Variants in NXPE4 observed in about 807,000 individuals in gnomAD.
NXPE4 encodes the protein neurexophilin and PC-esterase domain family member 4, also known as NXPE family member 4.
NXPE4 carries 42 observed loss-of-function variants against 33.3 expected under a neutral mutation model. The ratio of observed to expected loss-of-function variants is 1.26; its 90% CI spans 0.98 to 1.63. NXPE4 has a LOEUF of 1.63. NXPE4 is among the 40% of genes most tolerant of loss of function. The pLI is 0.00. For missense variants in NXPE4, 709 were observed against 647.6 expected (o/e 1.09, Z -1.03); for synonymous variants, 253 against 234.9 (o/e 1.08, Z -0.71).
chr11:114,667,133 T>C, the NXPE4 span, among the ~76,000 whole-genome samples: 1 of 152,154 alleles, frequency 6.6e-6, no homozygotes, highest in Non-Finnish European at 1.5e-5. Context: ...GTTATCTGTA[T>C]ACATGAAGAT....
the NXPE4 span, among the ~76,000 whole-genome samples, chr11:114,645,327 A>T: frequency 6.6e-6 from 1 of 152,018 alleles, no homozygotes; most frequent in Non-Finnish European, 1.5e-5. Context: ...AAATAAAAAA[A>T]CCCAGTCCCC....
the NXPE4 span, among the ~76,000 whole-genome samples, chr11:114,610,545 G>A: frequency 2.8e-5 from 4 of 143,794 alleles, no homozygotes; most frequent in African/African-American, 5.8e-5. Flanking sequence ...GATAATAAGT[G>A]TTGCCTCGTG....
Position 114,582,592 on chromosome 11 carries a change from A to T in NXPE4, c.526T>A (p.Ser176Thr). 1 of 1,614,172 alleles carries T rather than the reference A, an allele frequency of 6.2e-7. No homozygotes were observed. The highest frequency in any genetic ancestry group is 1.1e-5 in the South Asian group (1 of 91,074). ...GGGTGGATGAGCAGCAGAGACAGAGAGACCTGGCCCTCCCAGAACAGAGTG... is the reference window on the plus strand; with the variant it reads ...GGGTGGATGAGCAGCAGAGACAGAGTGACCTGGCCCTCCCAGAACAGAGTG... ...SFTLFWEGQV[S>T]LSLLLIHPSE... Residue 176 changes from serine to threonine, a missense_variant, in exon 3 of 6, where the codon TCT becomes ACT. Transcript: ENST00000375478.
At chr11:114,640,142 A>C in the NXPE4 span, among the ~76,000 whole-genome samples, 1 of 107,564 alleles carries the variant, frequency 9.3e-6, no homozygotes, top group Non-Finnish European at 1.7e-5. Flanking sequence ...ATTATATATA[A>C]TATATGATAT....
chr11:114,654,765 G>A, the NXPE4 span, among the ~76,000 whole-genome samples: 1 of 152,090 alleles, frequency 6.6e-6, no homozygotes, highest in Non-Finnish European at 1.5e-5. Context: ...ATTGTAAATA[G>A]TGCTGCAATA....
chr11:114,611,886 C>T, the NXPE4 span, among the ~76,000 whole-genome samples: 14 of 152,006 alleles, frequency 9.2e-5, no homozygotes, highest in East Asian at 2.5e-3. Context: ...AATATTGCCT[C>T]ATGGGTAAAC....
the NXPE4 span, among the ~76,000 whole-genome samples, chr11:114,612,891 C>T: frequency 4.0e-5 from 6 of 151,658 alleles, no homozygotes; most frequent in South Asian, 4.2e-4. Context: ...TGTTGCCTCA[C>T]GGGTAAGCAC....
the NXPE4 span, among the ~76,000 whole-genome samples, chr11:114,659,344 C>T: frequency 3.3e-5 from 5 of 151,772 alleles, no homozygotes; most frequent in South Asian, 2.1e-4. Flanking sequence ...GATGAAGTAT[C>T]GTTTTGATGG....
At chr11:114,600,246 A>G (rs1949621798), upstream of NXPE4, among the ~76,000 whole-genome samples, 1 of 152,220 alleles carries the variant, frequency 6.6e-6, no homozygotes, top group Admixed American at 6.5e-5. Flanking sequence ...ATGGGTTAAC[A>G]TAACCAGTAA....
chr11:114,639,779 AAATAT>A, the NXPE4 span, among the ~76,000 whole-genome samples: 1 of 127,886 alleles, frequency 7.8e-6, no homozygotes. Context: ...AAATAATATA[AAATAT>A]AATATATATT....
At chr11:114,581,702 C>A in intron 4 of NXPE4, 23 bp downstream of exon 4, 5 of 1,595,028 alleles carry the variant, frequency 3.1e-6, no homozygotes, top group Non-Finnish European at 4.3e-6. Flanking sequence ...TAGGCACCAC[C>A]CACCAAACAC....
the NXPE4 span, among the ~76,000 whole-genome samples, chr11:114,632,069 A>G: frequency 2.2e-5 from 3 of 133,796 alleles, no homozygotes; most frequent in Non-Finnish European, 4.8e-5. Context: ...TAAGAATTGT[A>G]TAGTATAATA....
chr11:114,655,662 C>G, the NXPE4 span, among the ~76,000 whole-genome samples: 3 of 152,306 alleles, frequency 2.0e-5, no homozygotes, highest in African/African-American at 7.2e-5. Context: ...TCTGAGGCCT[C>G]TGTTCTGCTC....
chr11:114,605,753 C>T, the NXPE4 span, among the ~76,000 whole-genome samples: 1 of 151,790 alleles, frequency 6.6e-6, no homozygotes, highest in Non-Finnish European at 1.5e-5. Flanking sequence ...ATAAGTATTG[C>T]CCCTAGGGTA....
intron 2 of NXPE4, among the ~76,000 whole-genome samples, chr11:114,588,989 C>T (rs544043545): frequency 1.7e-3 from 256 of 152,086 alleles, no homozygotes; most frequent in Admixed American, 4.4e-3. Flanking sequence ...CAGGAGGAGA[C>T]CCAGGAAAAA....
chr11:114,643,396 C>G, the NXPE4 span, among the ~76,000 whole-genome samples: 1 of 152,060 alleles, frequency 6.6e-6, no homozygotes, highest in Non-Finnish European at 1.5e-5. Flanking sequence ...TTAGGTCTTA[C>G]ATTTAAGTCT....
intron 2 of NXPE4, 94 bp from the exon 3 acceptor site, chr11:114,583,115 G>A: frequency 7.6e-7 from 1 of 1,323,214 alleles, no homozygotes; most frequent in African/African-American, 1.5e-5. Flanking sequence ...AAATTAACAT[G>A]TTCCTAGTCA....
chr11:114,614,175 A>T, the NXPE4 span, among the ~76,000 whole-genome samples: 56 of 150,256 alleles, frequency 3.7e-4, no homozygotes, highest in African/African-American at 1.3e-3. Context: ...CTTACCCTGT[A>T]ATAAGAGGGA....
chr11:114,648,008 G>A, the NXPE4 span, among the ~76,000 whole-genome samples: 12 of 151,958 alleles, frequency 7.9e-5, no homozygotes, highest in South Asian at 4.2e-4. Context: ...CCGACTTAAC[G>A]TTTTTTTAAG....
Sources: gnomAD v4.1 joint callset for allele counts (sites outside exome capture counted in the v4.1 genomes callset) on GRCh38, gnomAD v4.1.1 for gene constraint, MANE v1.5 for transcripts, NCBI Gene and HGNC (gene_info 2026-07-23, HGNC 2026-07-21) for gene names.